The following EPB41L2 variants were observed in gnomAD, a reference collection of about 807,000 sequenced individuals.
EPB41L2 encodes band 4.1-like protein 2.
A neutral mutation model predicts 113.0 loss-of-function variants in EPB41L2; 43 were observed. That is an observed-to-expected ratio of 0.38 (90% CI 0.30 to 0.49). The LOEUF (loss-of-function observed/expected upper bound fraction) is 0.49, where lower values mean the gene tolerates loss of function less well. Ranked by LOEUF, EPB41L2 falls within the 20% of genes least tolerant of loss-of-function variation. The pLI, the probability that EPB41L2 is intolerant of heterozygous loss-of-function variation, is 0.95. For missense variants in EPB41L2, 1,147 were observed against 1,223.4 expected (o/e 0.94, Z 0.93); for synonymous variants, 442 against 436.7 (o/e 1.01, Z -0.15).
intron 1 of EPB41L2, among the ~76,000 whole-genome samples, chr6:131,022,123 G>A (rs1789657075): frequency 6.6e-6 from 1 of 152,098 alleles, no homozygotes; most frequent in African/African-American, 2.4e-5. Flanking sequence ...GGGGGTGATG[G>A]GAGACCGTTA....
intron 3 of EPB41L2, among the ~76,000 whole-genome samples, chr6:130,927,910 T>C (rs954301558): frequency 1.3e-5 from 2 of 152,032 alleles, no homozygotes; most frequent in African/African-American, 4.8e-5. Flanking sequence ...CTGGGCAACA[T>C]GGTGAAACCT....
At chr6:130,963,483 A>C (rs1204093355) in intron 1 of EPB41L2, among the ~76,000 whole-genome samples, 1 of 152,200 alleles carries the variant, frequency 6.6e-6, no homozygotes, top group African/African-American at 2.4e-5. Context: ...AAACCAAAAA[A>C]AATCTTACTT....
chr6:130,996,467 T>C (rs1314421141), intron 1 of EPB41L2, among the ~76,000 whole-genome samples: 1 of 152,232 alleles, frequency 6.6e-6, no homozygotes, highest in African/African-American at 2.4e-5. Context: ...AATATAGACT[T>C]GTTACACTTA....
At chr6:130,933,012 A>G (rs1223048320) in intron 3 of EPB41L2, among the ~76,000 whole-genome samples, 1 of 152,228 alleles carries the variant, frequency 6.6e-6, no homozygotes, top group Non-Finnish European at 1.5e-5. Context: ...TCACAATTCT[A>G]CATTATGCTT....
At chr6:130,973,490 A>C (rs923986398) in intron 1 of EPB41L2, among the ~76,000 whole-genome samples, 1 of 152,196 alleles carries the variant, frequency 6.6e-6, no homozygotes, top group Non-Finnish European at 1.5e-5. Context: ...TAAATTTGTT[A>C]CAATATACTT....
Position 130,972,160 on chromosome 6 carries a change from C to G in EPB41L2, c.-14-15661G>C, listed in dbSNP as rs530450976. 2.6e-5 allele frequency among the ~76,000 whole-genome samples: 4 copies of G among 152,012 alleles called. No individual in the cohort carries two copies. The South Asian group carries it at 8.3e-4, about 32-fold the overall frequency. ...CCAACATGGCAAAACCCCATTTCTA[C>G]TAAAAATACAAAAATTGGCAGGGTG... On this transcript the variant is annotated intron_variant, in intron 1 of 19. Transcript: ENST00000337057.
chr6:131,005,272 C>T (rs1270946063), intron 1 of EPB41L2, among the ~76,000 whole-genome samples: 4 of 151,898 alleles, frequency 2.6e-5, no homozygotes, highest in African/African-American at 9.7e-5. Flanking sequence ...AACAACATAG[C>T]TATGTCCCAG....
intron 14 of EPB41L2, among the ~76,000 whole-genome samples, chr6:130,874,597 C>T (rs112484856): frequency 0.014 from 2,106 of 152,072 alleles, 52 homozygotes; most frequent in African/African-American, 0.047. Context: ...GTTGGGCAAA[C>T]GGATGAATGG....
At chr6:130,934,331 T>G (rs1377682899) in intron 3 of EPB41L2, among the ~76,000 whole-genome samples, 1 of 152,216 alleles carries the variant, frequency 6.6e-6, no homozygotes, top group Non-Finnish European at 1.5e-5. Flanking sequence ...AAAGGAAGAT[T>G]CTTAAGAAAA....
chr6:131,047,913 G>C (rs1434827301), intron 1 of EPB41L2, among the ~76,000 whole-genome samples: 3 of 152,150 alleles, frequency 2.0e-5, no homozygotes, highest in Non-Finnish European at 4.4e-5. Flanking sequence ...GGCCAAGGCA[G>C]GTGGATCACG....
At chr6:130,987,017 T>C (rs1780716325) in intron 1 of EPB41L2, among the ~76,000 whole-genome samples, 1 of 152,212 alleles carries the variant, frequency 6.6e-6, no homozygotes, top group Admixed American at 6.5e-5. Context: ...TTTCTTTCAC[T>C]TATGTTTTCA....
intron 3 of EPB41L2, among the ~76,000 whole-genome samples, chr6:130,944,686 C>T (rs1057073921): frequency 6.6e-6 from 1 of 152,104 alleles, no homozygotes; most frequent in Non-Finnish European, 1.5e-5. Context: ...GGGTCAGAAA[C>T]TGGAAGGAAG....
chr6:130,898,290 G>A (rs1795249706), intron 8 of EPB41L2, among the ~76,000 whole-genome samples: 3 of 152,092 alleles, frequency 2.0e-5, no homozygotes, highest in Admixed American at 1.3e-4. Context: ...TAAATATGAA[G>A]TATGATTAAT....
chr6:130,866,769 C>CT (rs1783881781), intron 16 of EPB41L2, among the ~76,000 whole-genome samples: 2 of 152,116 alleles, frequency 1.3e-5, no homozygotes, highest in Admixed American at 1.3e-4. Flanking sequence ...AATGCTTTAT[C>CT]TTTTTTTGTT....
intron 1 of EPB41L2, among the ~76,000 whole-genome samples, chr6:131,023,315 T>C: frequency 6.9e-6 from 1 of 144,750 alleles, no homozygotes; most frequent in East Asian, 1.9e-4. Flanking sequence ...ATTTCTTATT[T>C]ATTTTCCTGT....
chr6:130,997,415 A>C (rs1783391726), intron 1 of EPB41L2, among the ~76,000 whole-genome samples: 1 of 152,198 alleles, frequency 6.6e-6, no homozygotes, highest in African/African-American at 2.4e-5. Flanking sequence ...GTCAAAAAGC[A>C]TCAACCATCT....
intron 1 of EPB41L2, among the ~76,000 whole-genome samples, chr6:131,019,141 G>A (rs1171054186): frequency 6.6e-6 from 1 of 152,068 alleles, no homozygotes; most frequent in Non-Finnish European, 1.5e-5. Flanking sequence ...TCCCATTTGT[G>A]GACAATGAAC....
intron 18 of EPB41L2, among the ~76,000 whole-genome samples, chr6:130,858,816 T>G (rs1781092186): frequency 6.6e-6 from 1 of 152,240 alleles, no homozygotes; most frequent in African/African-American, 2.4e-5. Context: ...TATAAACCTC[T>G]AAGACACAGA....
intron 6 of EPB41L2, among the ~76,000 whole-genome samples, chr6:130,901,624 C>A (rs1275542107): frequency 6.6e-6 from 1 of 152,136 alleles, no homozygotes; most frequent in African/African-American, 2.4e-5. Flanking sequence ...TCCAGAAACA[C>A]CTTTAACAAC....
Sources: allele counts gnomAD v4.1 joint callset (sites outside exome capture counted in the v4.1 genomes callset), GRCh38; gene constraint gnomAD v4.1.1; transcripts MANE v1.5; gene names NCBI Gene and HGNC (gene_info 2026-07-23, HGNC 2026-07-21).